Variants in HTR4 observed in about 807,000 individuals in gnomAD.
The protein encoded by HTR4 is 5-hydroxytryptamine (serotonin) receptor 4, G protein-coupled.
HTR4 carries 16 observed loss-of-function variants against 36.8 expected under a neutral mutation model. That is an observed-to-expected ratio of 0.43 (90% CI 0.29 to 0.66). HTR4 has a LOEUF of 0.66. HTR4 is among the 30% of genes least tolerant of loss of function. The pLI, the probability that HTR4 is intolerant of heterozygous loss-of-function variation, is 0.13. For missense variants in HTR4, 438 were observed against 490.9 expected, an observed-to-expected ratio of 0.89 and a Z score of 1.02; for synonymous variants, 189 against 185.1, an observed-to-expected ratio of 1.02 and a Z score of -0.17.
downstream of HTR4, among the ~76,000 whole-genome samples, chr5:148,474,504 A>AAATC (rs1250450362): frequency 6.6e-6 from 1 of 152,200 alleles, no homozygotes; most frequent in Non-Finnish European, 1.5e-5. Flanking sequence ...GAGAAAGACT[A>AAATC]AATCGAAATT....
At chr5:148,635,505 G>C (rs561566899) in intron 2 of HTR4, among the ~76,000 whole-genome samples, 7 of 152,184 alleles carry the variant, frequency 4.6e-5, no homozygotes, top group African/African-American at 1.7e-4. Flanking sequence ...CCAGGAGAAT[G>C]GCTAATGTCC....
chr5:148,568,049 A>G (rs1382408160), intron 2 of HTR4, among the ~76,000 whole-genome samples: 1 of 152,156 alleles, frequency 6.6e-6, no homozygotes, highest in Non-Finnish European at 1.5e-5. Flanking sequence ...ACAACATGTG[A>G]TTATTTATCC....
chr5:148,507,666 G>A (rs1020025424), intron 6 of HTR4, among the ~76,000 whole-genome samples: 1 of 151,352 alleles, frequency 6.6e-6, no homozygotes, highest in African/African-American at 2.4e-5. Flanking sequence ...CAATGATCCT[G>A]CAGATTACCA....
rs142780105 is a variant in HTR4 at position 148,615,813 on chromosome 5, C to T, written c.26+21176G>A. Among the ~76,000 whole-genome samples, 1,016 of 152,240 alleles carry T rather than the reference C, an allele frequency of 6.7e-3. 6 individuals carry two copies. Among genetic ancestry groups the T allele is most frequent in the Middle Eastern group, 0.024 (7 of 294 alleles). On this transcript the variant is annotated intron_variant, in intron 2 of 6. Coordinates refer to ENST00000377888, the MANE Select transcript of HTR4 (RefSeq NM_000870.7). ...TCTTGCAGACTGCTCAGGTAAAATG[C>T]TGATTCAGGACTTTCACTTGTCAAT...
chr5:148,490,550 C>G, intron 6 of HTR4: 1 of 1,120,776 alleles, frequency 8.9e-7, no homozygotes, highest in Non-Finnish European at 1.1e-6. Flanking sequence ...TTTTGTAACT[C>G]ACAGAATCAC....
At chr5:148,484,601 T>A (rs1756062542) in intron 6 of HTR4, among the ~76,000 whole-genome samples, 1 of 152,190 alleles carries the variant, frequency 6.6e-6, no homozygotes, top group Non-Finnish European at 1.5e-5. Context: ...ATATGACACA[T>A]CTTGGCTCAG....
At chr5:148,568,949 C>T (rs1760563245) in intron 2 of HTR4, among the ~76,000 whole-genome samples, 1 of 151,858 alleles carries the variant, frequency 6.6e-6, no homozygotes, top group South Asian at 2.1e-4. Context: ...ACACTGATAC[C>T]CTTAAAAAAT....
At chr5:148,614,535 G>A (rs866717470) in intron 2 of HTR4, among the ~76,000 whole-genome samples, 8 of 151,930 alleles carry the variant, frequency 5.3e-5, no homozygotes, top group African/African-American at 1.2e-4. Flanking sequence ...TTAATTCAAG[G>A]TGGATTAAAG....
chr5:148,634,953 G>A (rs547264867), intron 2 of HTR4, among the ~76,000 whole-genome samples: 1 of 152,064 alleles, frequency 6.6e-6, no homozygotes, highest in Non-Finnish European at 1.5e-5. Context: ...ATTTCTTCTT[G>A]CTAATTACAC....
At chr5:148,613,091 T>G (rs1260465434) in intron 2 of HTR4, among the ~76,000 whole-genome samples, 2 of 145,450 alleles carry the variant, frequency 1.4e-5, no homozygotes, top group Non-Finnish European at 1.5e-5. Context: ...AGCCGAATTC[T>G]ACCAGAGGTA....
intron 3 of HTR4, 58 bp downstream of exon 3, chr5:148,550,079 C>A (rs1759606070): frequency 1.3e-6 from 2 of 1,593,180 alleles, no homozygotes; most frequent in South Asian, 1.1e-5. Flanking sequence ...ACACCCAACT[C>A]TCTAGGGACA....
chr5:148,577,308 CA>C (rs1760963451), intron 2 of HTR4, among the ~76,000 whole-genome samples: 1 of 151,952 alleles, frequency 6.6e-6, no homozygotes, highest in Admixed American at 6.6e-5. Context: ...AGTAAAAAAT[CA>C]AAAAATAACA....
chr5:148,619,862 G>A (rs1752848895), intron 2 of HTR4, among the ~76,000 whole-genome samples: 1 of 152,052 alleles, frequency 6.6e-6, no homozygotes, highest in Admixed American at 6.6e-5. Context: ...TCCAAAGAAG[G>A]AATTTGGAAA....
At chr5:148,597,728 G>A (rs879330121) in intron 2 of HTR4, among the ~76,000 whole-genome samples, 3 of 152,108 alleles carry the variant, frequency 2.0e-5, no homozygotes, top group Admixed American at 6.6e-5. Flanking sequence ...CCAACATGTG[G>A]TTTTTTGGAA....
chr5:148,559,665 G>C (rs925152507), intron 2 of HTR4, among the ~76,000 whole-genome samples: 4 of 152,062 alleles, frequency 2.6e-5, no homozygotes, highest in African/African-American at 9.7e-5. Context: ...AGCCAGCCCA[G>C]AACGATCAGG....
chr5:148,462,907 T>C (rs150448203), intron 5 of HTR4, among the ~76,000 whole-genome samples: 1 of 151,876 alleles, frequency 6.6e-6, no homozygotes, highest in African/African-American at 2.4e-5. Context: ...AAAAGAAAAA[T>C]CACATGATTA....
intron 5 of HTR4, chr5:148,520,964 C>T (rs766700140): frequency 1.5e-6 from 2 of 1,367,764 alleles, no homozygotes; most frequent in South Asian, 2.3e-5. Flanking sequence ...GACTCCTTTC[C>T]TTGAAAAAGA....
chr5:148,543,281 C>T (rs1193497414), intron 4 of HTR4, among the ~76,000 whole-genome samples: 1 of 152,032 alleles, frequency 6.6e-6, no homozygotes, highest in African/African-American at 2.4e-5. Flanking sequence ...GGGAAGTAAA[C>T]AGGGAGAACA....
chr5:148,459,015 A>G (rs1162128751), intron 5 of HTR4, among the ~76,000 whole-genome samples: 1 of 152,130 alleles, frequency 6.6e-6, no homozygotes, highest in African/African-American at 2.4e-5. Flanking sequence ...ATTATCTCGC[A>G]TTTCTGGAGC....
Sources: allele counts gnomAD v4.1 joint callset (sites outside exome capture counted in the v4.1 genomes callset), GRCh38; gene constraint gnomAD v4.1.1; transcripts MANE v1.5; gene names NCBI Gene and HGNC (gene_info 2026-07-23, HGNC 2026-07-21).